The following LRRTM4 variants were observed in gnomAD, a reference collection of about 807,000 sequenced individuals.
LRRTM4 encodes the protein leucine rich repeat transmembrane neuronal 4.
A neutral mutation model predicts 47.6 loss-of-function variants in LRRTM4; 25 were observed. That is an observed-to-expected ratio of 0.53 (90% CI 0.38 to 0.73). The LOEUF (loss-of-function observed/expected upper bound fraction) is 0.73, where lower values mean the gene tolerates loss of function less well. Ranked by LOEUF, LRRTM4 falls within the 30% of genes least tolerant of loss-of-function variation. The pLI is 0.00. For synonymous variants in LRRTM4, 311 were observed against 269.5 expected, an observed-to-expected ratio of 1.15 and a Z score of -1.51; for missense variants, 638 against 713.4, an observed-to-expected ratio of 0.89 and a Z score of 1.20.
chr2:77,399,596 T>TAACTA (rs966984779), intron 3 of LRRTM4, among the ~76,000 whole-genome samples: 21 of 150,820 alleles, frequency 1.4e-4, no homozygotes, highest in African/African-American at 3.7e-4. Flanking sequence ...GGATCTTTAG[T>TAACTA]AACTAAACTA....
chr2:77,322,861 C>T (rs902848314), intron 3 of LRRTM4, among the ~76,000 whole-genome samples: 2 of 150,424 alleles, frequency 1.3e-5, no homozygotes, highest in African/African-American at 4.9e-5. Flanking sequence ...TTCTTCCACC[C>T]CAGCTTATTG....
intron 3 of LRRTM4, among the ~76,000 whole-genome samples, chr2:77,355,954 A>T (rs1671950599): frequency 1.3e-5 from 2 of 152,272 alleles, no homozygotes; most frequent in South Asian, 4.1e-4. Context: ...TTAGCTGGGC[A>T]TTATGGCATG....
At chr2:77,436,872 G>A (rs1213029595) in intron 3 of LRRTM4, among the ~76,000 whole-genome samples, 1 of 151,756 alleles carries the variant, frequency 6.6e-6, no homozygotes, top group East Asian at 1.9e-4. Flanking sequence ...AGTATAAGTA[G>A]ATAGATTTAA....
intron 3 of LRRTM4, among the ~76,000 whole-genome samples, chr2:76,906,898 G>T (rs1452144235): frequency 6.6e-6 from 1 of 150,932 alleles, no homozygotes; most frequent in Non-Finnish European, 1.5e-5. Flanking sequence ...AATAATAATG[G>T]GAGACTTTAA....
intron 3 of LRRTM4, among the ~76,000 whole-genome samples, chr2:76,973,867 T>G (rs2103947330): frequency 6.6e-6 from 1 of 151,938 alleles, no homozygotes; most frequent in East Asian, 2.0e-4. Flanking sequence ...ACAGCTGAGA[T>G]TATGTGTCAT....
At chr2:77,055,135 G>A (rs888238268) in intron 3 of LRRTM4, among the ~76,000 whole-genome samples, 3 of 152,122 alleles carry the variant, frequency 2.0e-5, no homozygotes, top group Admixed American at 6.6e-5. Context: ...ACACAGAAAA[G>A]GAGCTGTCCA....
At chr2:77,163,258 TGAGAA>T (rs2103814092) in intron 3 of LRRTM4, among the ~76,000 whole-genome samples, 1 of 151,756 alleles carries the variant, frequency 6.6e-6, no homozygotes, top group East Asian at 1.9e-4. Flanking sequence ...TGAAATGAGG[TGAGAA>T]GAGAAGTTTA....
At chr2:76,978,399 G>C (rs755560887) in intron 3 of LRRTM4, among the ~76,000 whole-genome samples, 21 of 152,042 alleles carry the variant, frequency 1.4e-4, no homozygotes, top group Non-Finnish European at 3.1e-4. Flanking sequence ...GAATGGTAAT[G>C]GCTGTAGTCA....
intron 3 of LRRTM4, among the ~76,000 whole-genome samples, chr2:77,440,722 T>C (rs1242736151): frequency 2.0e-5 from 3 of 152,200 alleles, no homozygotes; most frequent in Non-Finnish European, 4.4e-5. Flanking sequence ...CGGTGTTTTG[T>C]ATTACATATT....
Position 77,518,950 on chromosome 2 carries a change from T to C in LRRTM4, c.919A>G (p.Thr307Ala). 1 of 1,611,342 alleles carries C rather than the reference T, an allele frequency of 6.2e-7. No individual in the cohort carries two copies. The highest frequency in any genetic ancestry group is 8.5e-7 in the Non-Finnish European group (1 of 1,178,624). ...CATTCCCACATATTTCCAGACAATG[T>C]GATGGATATTAATGATATCCACGCA... ...VNAWISLISITLSGNMWECSR... is the reference protein window; with the variant it reads ...VNAWISLISIALSGNMWECSR... Residue 307 changes from threonine (T) to alanine (A), a missense_variant, in exon 3 of 4, where the codon ACA becomes GCA. Transcript: ENST00000409884.
intron 3 of LRRTM4, among the ~76,000 whole-genome samples, chr2:77,010,835 CACAG>C (rs1363270947): frequency 5.3e-5 from 8 of 152,028 alleles, no homozygotes; most frequent in African/African-American, 1.9e-4. Context: ...AAGTCTTATC[CACAG>C]ACAATGTTCT....
At chr2:76,937,481 T>C (rs1674995454) in intron 3 of LRRTM4, among the ~76,000 whole-genome samples, 1 of 152,202 alleles carries the variant, frequency 6.6e-6, no homozygotes, top group Non-Finnish European at 1.5e-5. Context: ...AAAACTTGAT[T>C]GAGCTAATGC....
At chr2:77,029,074 AT>A (rs1345312515) in intron 3 of LRRTM4, among the ~76,000 whole-genome samples, 3 of 144,874 alleles carry the variant, frequency 2.1e-5, no homozygotes, top group African/African-American at 7.7e-5. Context: ...TATATATAAT[AT>A]ATATATATTA....
At chr2:76,838,916 C>T (rs1671593843) in intron 3 of LRRTM4, among the ~76,000 whole-genome samples, 2 of 152,056 alleles carry the variant, frequency 1.3e-5, no homozygotes, top group South Asian at 4.1e-4. Flanking sequence ...ATAAACCTAA[C>T]CTTCCAATTT....
At chr2:77,345,760 T>C (rs1671537375) in intron 3 of LRRTM4, among the ~76,000 whole-genome samples, 2 of 151,720 alleles carry the variant, frequency 1.3e-5, no homozygotes, top group South Asian at 2.1e-4. Flanking sequence ...TAAAGTTAAA[T>C]ATACATTCAC....
intron 3 of LRRTM4, among the ~76,000 whole-genome samples, chr2:76,813,959 C>A (rs144091998): frequency 6.6e-6 from 1 of 152,042 alleles, no homozygotes; most frequent in Non-Finnish European, 1.5e-5. Context: ...ATTTTATTTT[C>A]CTGTTCCTGG....
rs1220391316 is a variant in LRRTM4, at chr2:77,519,994, C to T, written c.5-130G>A. The T allele has an allele frequency of 1.7e-5, 23 of 1,381,356 alleles. No individual in the cohort carries two copies. The highest frequency in any genetic ancestry group is 1.6e-5 in the Non-Finnish European group (17 of 1,050,792). The allele number at this position is 1,381,356 out of a possible 1,614,324, so 85.6% of individuals were successfully genotyped here. ...AGTTGATTTAAGGAAAATGCATTAA[C>T]ATTTCGAGCATTATTTTCTTCAGTG... On this transcript the variant is annotated intron_variant, in intron 2 of 3. Coordinates refer to ENST00000409884, the MANE Select transcript of LRRTM4 (RefSeq NM_001134745.3). The surrounding 1 kb of genome is among the most constrained non-coding windows in gnomAD (Gnocchi z 4.6).
At chr2:77,488,354 C>T (rs1678008441) in intron 3 of LRRTM4, among the ~76,000 whole-genome samples, 1 of 152,176 alleles carries the variant, frequency 6.6e-6, no homozygotes, top group African/African-American at 2.4e-5. Flanking sequence ...TTGTGTGCGG[C>T]AGCTGGACAC....
At chr2:77,026,933 G>C (rs772621188) in intron 3 of LRRTM4, among the ~76,000 whole-genome samples, 1 of 151,930 alleles carries the variant, frequency 6.6e-6, no homozygotes, top group Admixed American at 6.6e-5. Context: ...AAAATATATG[G>C]CACAACTTAA....
Sources: gnomAD v4.1 joint callset for allele counts (sites outside exome capture counted in the v4.1 genomes callset) on GRCh38, gnomAD v4.1.1 for gene constraint, Gnocchi (gnomAD v3.1) non-coding constraint, MANE v1.5 for transcripts, NCBI Gene and HGNC (gene_info 2026-07-23, HGNC 2026-07-21) for gene names.